The following PRKCB variants were observed in gnomAD, a reference collection of about 807,000 sequenced individuals.
The protein encoded by PRKCB is protein kinase C beta.
In PRKCB, 13 loss-of-function variants were observed where a neutral mutation model predicts 81.5. The ratio of observed to expected loss-of-function variants is 0.16; its 90% confidence interval spans 0.10 to 0.25. The LOEUF (loss-of-function observed/expected upper bound fraction) is 0.25, where lower values mean the gene tolerates loss of function less well. Ranked by LOEUF, PRKCB falls within the 10% of genes least tolerant of loss-of-function variation. The pLI is 1.00. For synonymous variants in PRKCB, 335 were observed against 321.4 expected (o/e 1.04, Z -0.45); for missense variants, 509 against 875.7 (o/e 0.58, Z 5.29).
In PRKCB at chr16:24,021,044, T is replaced by TTCTTTC. The variant is rs1965367323; in HGVS notation, c.289-11090_289-11085dup. 4.2e-3 allele frequency among the ~76,000 whole-genome samples: 328 copies of TTCTTTC among 77,984 alleles called. 2 individuals are homozygous for TTCTTTC. Among genetic ancestry groups the TTCTTTC allele is most frequent in the African/African-American group, 0.019 (300 of 16,188 alleles). 51.2% of individuals were successfully genotyped at this position (77,984 alleles called of 152,430 possible). A position where few individuals can be genotyped will look rare whatever the true frequency, so the allele number is the denominator to read the frequency against. On this transcript the variant is annotated intron_variant, in intron 3 of 16. Coordinates refer to ENST00000643927, the MANE Select transcript of PRKCB (RefSeq NM_002738.7). ...TCTTTCTTTCTTTCTTTCTTTCTCT[T>TTCTTTC]TCTTTCTTTCTTTCCCTCCCTCCCT... is the stretch of plus-strand genomic sequence containing the variant.
chr16:24,058,883 A>G (rs2141875730), intron 5 of PRKCB, among the ~76,000 whole-genome samples: 1 of 124,758 alleles, frequency 8.0e-6, no homozygotes, highest in South Asian at 2.3e-4. Context: ...CCCATCCAGG[A>G]GCTATTGATC....
Position 24,207,600 on chromosome 16 carries a change from G to A in PRKCB, c.1864-7058G>A, listed in dbSNP as rs994630860. On this transcript the variant is annotated intron_variant, in intron 16 of 16. Transcript: ENST00000643927. ...TTCTTTTAATTTTTAAGAATGTTTT[G>A]CATGGTAATACATCAAATAGATGTA... Among the ~76,000 whole-genome samples the A allele has an allele frequency of 2.0e-5, 3 of 152,136 alleles. No homozygotes were observed. The East Asian group carries it at 5.8e-4, about 29-fold the overall frequency.
intron 2 of PRKCB, among the ~76,000 whole-genome samples, chr16:23,887,713 A>G (rs1286881118): frequency 1.3e-5 from 2 of 152,268 alleles, no homozygotes; most frequent in African/African-American, 4.8e-5. Context: ...GTATATACCC[A>G]GTAATGGGAA....
In PRKCB at chr16:24,154,654, C is replaced by T. The variant is rs184106438; in HGVS notation, c.1066-30C>T. 3.1e-6 allele frequency: 5 copies of T among 1,611,028 alleles called. No individual in the cohort carries two copies. The African/African-American group carries it at 6.7e-5, about 21-fold the overall frequency. On this transcript the variant is annotated intron_variant, in intron 9 of 16. Transcript: ENST00000643927. ...TAACTGGCCCCCAGACTCCTTCCAACTGCCCTGACATGCTTGCTCTCTTTC... is the reference window on the plus strand; with the variant it reads ...TAACTGGCCCCCAGACTCCTTCCAATTGCCCTGACATGCTTGCTCTCTTTC...
intron 7 of PRKCB, 75 bp from the exon 8 acceptor site, chr16:24,112,898 C>T (rs1966692667): frequency 9.2e-7 from 1 of 1,088,634 alleles, no homozygotes; most frequent in African/African-American, 1.6e-5. Context: ...TATAGGCCTC[C>T]TTTTCATATG....
chr16:24,135,692 T>C (rs1482044846), intron 9 of PRKCB, among the ~76,000 whole-genome samples: 1 of 152,160 alleles, frequency 6.6e-6, no homozygotes, highest in Non-Finnish European at 1.5e-5. Flanking sequence ...AAAAGGCAGC[T>C]TAGTTCATGC....
chr16:23,911,353 C>CCT (rs1317443471), intron 2 of PRKCB, among the ~76,000 whole-genome samples: 1 of 151,672 alleles, frequency 6.6e-6, no homozygotes, highest in African/African-American at 2.4e-5. Context: ...TTCTTCAACT[C>CCT]CTGAGCTCAA....
chr16:24,096,316 G>A (rs1019407554), intron 7 of PRKCB, among the ~76,000 whole-genome samples: 2 of 152,024 alleles, frequency 1.3e-5, no homozygotes, highest in Non-Finnish European at 2.9e-5. Context: ...AGTTAACTTG[G>A]CCCGAGCCCA....
intron 7 of PRKCB, among the ~76,000 whole-genome samples, chr16:24,110,557 C>T (rs1404026339): frequency 7.3e-6 from 1 of 136,978 alleles, no homozygotes; most frequent in Admixed American, 7.4e-5. Context: ...TGCTTTGTCA[C>T]CCAGGCTGGA....
At chr16:23,995,800 C>T (rs777548825) in intron 3 of PRKCB, among the ~76,000 whole-genome samples, 11 of 152,244 alleles carry the variant, frequency 7.2e-5, no homozygotes, top group African/African-American at 1.2e-4. Context: ...CCTTTGGGCT[C>T]ATGAGGAGTT....
intron 2 of PRKCB, among the ~76,000 whole-genome samples, chr16:23,863,213 T>TATACATATATATAC (rs1962709676): frequency 1.9e-5 from 1 of 51,676 alleles, no homozygotes; most frequent in African/African-American, 4.8e-5. Context: ...TGTGTATATA[T>TATACATATATATAC]ACATACATAT....
rs555174591 is a variant in PRKCB at position 24,023,132 on chromosome 16, C to A, written c.289-9004C>A. 9.9e-5 allele frequency among the ~76,000 whole-genome samples: 15 copies of A among 152,204 alleles called. No individual in the cohort carries two copies. In the South Asian group the frequency reaches 2.9e-3, roughly 29 times the overall value. On this transcript the variant is annotated intron_variant, in intron 3 of 16. Coordinates refer to ENST00000643927, the MANE Select transcript of PRKCB (RefSeq NM_002738.7). The stretch of plus-strand genomic sequence containing the variant: ...CTGGAGTGCAGTGGTGCCATCATGG[C>A]TCACTGCAGCCTTGAATTCCTGGGC...
intron 16 of PRKCB, among the ~76,000 whole-genome samples, chr16:24,213,006 A>ATTTATT (rs1555502936): frequency 1.2e-4 from 17 of 143,816 alleles, no homozygotes; most frequent in Non-Finnish European, 2.1e-4. Context: ...CCGTACTTGT[A>ATTTATT]TATTTATTTA....
At position 24,218,098 on chromosome 16, in the gene PRKCB, A is replaced by C; in HGVS notation, c.*3282A>C. ...CTTAGCACTGGAAATACACTAGTGA[A>C]GAAGCAGATGAGGACCCTGTTTATT... is the stretch of plus-strand genomic sequence containing the variant. On this transcript the variant is annotated 3_prime_UTR_variant, in exon 17 of 17. Transcript: ENST00000643927. 1 of 985,380 alleles carries C rather than the reference A, an allele frequency of 1.0e-6. No individual in the cohort carries two copies. The highest frequency in any genetic ancestry group is 1.2e-6 in the Non-Finnish European group (1 of 829,884). 61.0% of individuals were successfully genotyped at this position (985,380 alleles called of 1,614,324 possible).
rs1188060265 is a variant in PRKCB, at chr16:24,195,281, G to C, written c.1863+4051G>C. Among the ~76,000 whole-genome samples the C allele has an allele frequency of 2.0e-5, 3 of 151,718 alleles. No homozygotes were observed. The East Asian group carries it at 5.8e-4, about 29-fold the overall frequency. The stretch of plus-strand genomic sequence containing the variant: ...CTTTTACATTGCAAATGCATTGCAT[G>C]AGAGCCCTCCTCCCCCCAATCCCAG... On this transcript the variant is annotated intron_variant, in intron 16 of 16. Transcript: ENST00000643927.
rs190292832 is a variant in PRKCB, at chr16:24,161,907, C to A, written c.1239+7050C>A. On this transcript the variant is annotated intron_variant, in intron 10 of 16. Coordinates refer to ENST00000643927, the MANE Select transcript of PRKCB (RefSeq NM_002738.7). ...CTTCCATTCCTTTTGCAGTTTTTCT[C>A]AGGGACAATTGTCAGCCCGGCACAT... is the stretch of plus-strand genomic sequence containing the variant. 1.3e-5 allele frequency among the ~76,000 whole-genome samples: 2 copies of A among 152,316 alleles called. 1 individual carries two copies. The highest frequency in any genetic ancestry group is 1.3e-4 in the Admixed American group (2 of 15,302).
chr16:23,867,105 T>C (rs1190682857), intron 2 of PRKCB, among the ~76,000 whole-genome samples: 1 of 149,246 alleles, frequency 6.7e-6, no homozygotes, highest in Non-Finnish European at 1.5e-5. Context: ...TCTTTCTTTC[T>C]TTTCTTTCTT....
intron 16 of PRKCB, among the ~76,000 whole-genome samples, chr16:24,210,304 C>T (rs1396743527): frequency 6.6e-6 from 1 of 152,024 alleles, no homozygotes; most frequent in East Asian, 1.9e-4. Context: ...ACCATACTGA[C>T]CTCATTGCTG....
intron 16 of PRKCB, among the ~76,000 whole-genome samples, chr16:24,208,895 C>G (rs982852416): frequency 6.6e-6 from 1 of 152,204 alleles, no homozygotes; most frequent in Non-Finnish European, 1.5e-5. Context: ...TGCTGATTAG[C>G]AGGGAAATCA....
Sources: gnomAD v4.1 joint callset for allele counts (sites outside exome capture counted in the v4.1 genomes callset) on GRCh38, gnomAD v4.1.1 for gene constraint, MANE v1.5 for transcripts, NCBI Gene and HGNC (gene_info 2026-07-23, HGNC 2026-07-21) for gene names.